ELAPOR1: variants seen among roughly 807,000 people sequenced by gnomAD.
The protein encoded by ELAPOR1 is endosome/lysosome-associated apoptosis and autophagy regulator 1.
A neutral mutation model predicts 119.7 loss-of-function variants in ELAPOR1; 77 were observed. The ratio of observed to expected loss-of-function variants is 0.64; its 90% CI spans 0.54 to 0.78. The LOEUF (loss-of-function observed/expected upper bound fraction) is 0.78, where lower values mean the gene tolerates loss of function less well. Among genes scored for constraint, ELAPOR1 ranks in the 30% least tolerant of loss-of-function variants. ELAPOR1 has a pLI of 0.00. For missense variants in ELAPOR1, 1,115 were observed against 1,270.4 expected, an observed-to-expected ratio of 0.88 and a Z score of 1.86; for synonymous variants, 481 against 487.2, an observed-to-expected ratio of 0.99 and a Z score of 0.17.
intron 2 of ELAPOR1, 114 bp downstream of exon 2, chr1:109,162,128 G>T: frequency 8.2e-7 from 1 of 1,223,970 alleles, no homozygotes. Flanking sequence ...TAAGGAATCA[G>T]ATCTTTTCCC....
chr1:109,201,061 T>C (rs985989326), intron 21 of ELAPOR1, among the ~76,000 whole-genome samples, 161 bp downstream of exon 21: 4 of 152,188 alleles, frequency 2.6e-5, no homozygotes, highest in African/African-American at 9.6e-5. Flanking sequence ...CTTCTCCTTC[T>C]GTGTTTCTAC....
chr1:109,186,031 C>T (rs944088714), intron 8 of ELAPOR1, among the ~76,000 whole-genome samples: 3 of 149,424 alleles, frequency 2.0e-5, no homozygotes, highest in African/African-American at 7.4e-5. Flanking sequence ...TAATAGACAA[C>T]AAATGGGTAT....
intron 8 of ELAPOR1, chr1:109,186,600 T>C: frequency 1.0e-6 from 1 of 985,468 alleles, no homozygotes; most frequent in Non-Finnish European, 1.2e-6. Context: ...CTGTGTCTTG[T>C]CAGTTGCACC....
rs1387288222 is a variant in ELAPOR1, at chr1:109,161,964, C to A, written c.224C>A (p.Thr75Asn). The A allele has an allele frequency of 6.2e-7, 1 of 1,613,982 alleles. No homozygotes were observed. Among genetic ancestry groups the A allele is most frequent in the East Asian group, 2.2e-5 (1 of 44,878 alleles). ...AGGTGGAGGGTCGCCGTGCCGCATA[C>A]CCCGGGCCTGTGCACCAGCCTGCCT... ...GSRWRVAVPH[T>N]PGLCTSLPDP... Residue 75 changes from threonine to asparagine, a missense_variant, in exon 2 of 22, where the codon ACC becomes AAC. Physicochemically the swap from Thr to Asn is moderately conservative, Grantham distance 65. Transcript: ENST00000369939.
At chr1:109,193,615 GAGA>G (rs1653588099) in intron 14 of ELAPOR1, among the ~76,000 whole-genome samples, 2 of 152,226 alleles carry the variant, frequency 1.3e-5, no homozygotes, top group African/African-American at 4.8e-5. Flanking sequence ...TTCTGCATCT[GAGA>G]AGTACTTATG....
intron 8 of ELAPOR1, 115 bp downstream of exon 8, chr1:109,185,248 C>A (rs1217592048): frequency 2.5e-6 from 2 of 815,884 alleles, no homozygotes; most frequent in African/African-American, 1.7e-5. Flanking sequence ...GTTAAAACCC[C>A]ACAGACCTTT....
At chr1:109,154,889 G>T (rs1204460221) in intron 1 of ELAPOR1, among the ~76,000 whole-genome samples, 5 of 152,188 alleles carry the variant, frequency 3.3e-5, no homozygotes, top group Non-Finnish European at 7.3e-5. Context: ...AGTCAGATCG[G>T]AGTTAGAGAT....
At chr1:109,136,407 G>A (rs1319191086) in intron 1 of ELAPOR1, among the ~76,000 whole-genome samples, 1 of 152,208 alleles carries the variant, frequency 6.6e-6, no homozygotes, top group Non-Finnish European at 1.5e-5. Flanking sequence ...AGAAGCAGGG[G>A]CCAGATTCTC....
At chr1:109,198,468 T>C (rs1378133217) in intron 17 of ELAPOR1, 105 bp from the exon 18 acceptor site, 6 of 1,035,144 alleles carry the variant, frequency 5.8e-6, no homozygotes, top group East Asian at 2.6e-5. Flanking sequence ...GCCCAAGTCC[T>C]GACTTCCCCA....
Position 109,144,061 on chromosome 1 carries a change from A to ATATATATTTTTTTTTTTT in ELAPOR1, c.154-17832_154-17831insATATATTTTTTTTTTTTT. Among the ~76,000 whole-genome samples the ATATATATTTTTTTTTTTT allele has an allele frequency of 2.7e-4, 24 of 88,982 alleles. 1 individual carries two copies. Among genetic ancestry groups the ATATATATTTTTTTTTTTT allele is most frequent in the African/African-American group, 2.9e-4 (6 of 20,738 alleles). 58.4% of individuals were successfully genotyped at this position (88,982 alleles called of 152,430 possible). On this transcript the variant is annotated intron_variant, in intron 1 of 21. Transcript: ENST00000369939. ...TATATATATATATATATATTTATAT[A>ATATATATTTTTTTTTTTT]TTTTTTTTTTTTTTTGAGATGGAGT...
chr1:109,198,720 A>G (rs1465317053), intron 18 of ELAPOR1, 46 bp downstream of exon 18: 1 of 1,503,732 alleles, frequency 6.7e-7, no homozygotes. Flanking sequence ...TCTCCCTTGA[A>G]GTCATTCCAT....
intron 1 of ELAPOR1, among the ~76,000 whole-genome samples, chr1:109,132,726 G>A (rs907644853): frequency 4.6e-5 from 7 of 152,142 alleles, no homozygotes; most frequent in Non-Finnish European, 7.4e-5. Context: ...AGGACCCAAG[G>A]AAGGCCAGTG....
At chr1:109,191,670 G>C (rs952584565) in intron 12 of ELAPOR1, 56 bp from the exon 13 acceptor site, 1 of 1,604,466 alleles carries the variant, frequency 6.2e-7, no homozygotes, top group African/African-American at 1.3e-5. Context: ...AGCCACATGG[G>C]CACCCACTTC....
At chr1:109,200,693 C>T in intron 20 of ELAPOR1, 42 bp from the exon 21 acceptor site, 1 of 1,594,018 alleles carries the variant, frequency 6.3e-7, no homozygotes, top group African/African-American at 1.3e-5. Context: ...CCCTTATTCC[C>T]ACATTTTGGG....
intron 1 of ELAPOR1, among the ~76,000 whole-genome samples, chr1:109,138,834 C>CAAAAAAAAAAAAAAA (rs150398954): frequency 8.3e-4 from 89 of 107,270 alleles, no homozygotes; most frequent in African/African-American, 2.1e-3. Flanking sequence ...AACTCCATCT[C>CAAAAAAAAAAAAAAA]AAAAAAAAAA....
At chr1:109,123,324 A>T (rs940771490) in intron 1 of ELAPOR1, among the ~76,000 whole-genome samples, 1 of 152,254 alleles carries the variant, frequency 6.6e-6, no homozygotes, top group Non-Finnish European at 1.5e-5. Context: ...GCTAATTACT[A>T]GGAAAGAAAA....
intron 1 of ELAPOR1, among the ~76,000 whole-genome samples, chr1:109,156,980 G>A (rs1406085261): frequency 1.3e-5 from 2 of 152,158 alleles, no homozygotes; most frequent in African/African-American, 4.8e-5. Context: ...ACACTGGGCA[G>A]GCACAAACAA....
chr1:109,114,276 G>T lies in ELAPOR1; in HGVS notation c.93G>T (p.Trp31Cys). The change falls in exon 1 of 22, where the codon TGG (tryptophan) becomes TGT (cysteine). Residue 31 changes from tryptophan to cysteine, a missense_variant. Transcript: ENST00000369939. ...RIPRLWRLLL[W>C]AGTAFQVTQG... ...CCCGGCTGTGGCGGCTGCTGCTCTG[G>T]GCTGGGACCGCCTTCCAGGTGACCC... The T allele has an allele frequency of 6.2e-7, 1 of 1,600,182 alleles. No homozygotes were observed.
At chr1:109,164,365 C>T (rs1651443411) in intron 2 of ELAPOR1, 134 bp from the exon 3 acceptor site, 3 of 688,746 alleles carry the variant, frequency 4.4e-6, no homozygotes, top group Non-Finnish European at 7.3e-6. Flanking sequence ...CAGTAAATGC[C>T]ATGGCCCTAA....
Sources: gnomAD v4.1 joint callset for allele counts (sites outside exome capture counted in the v4.1 genomes callset) on GRCh38, gnomAD v4.1.1 for gene constraint, MANE v1.5 for transcripts, NCBI Gene and HGNC (gene_info 2026-07-23, HGNC 2026-07-21) for gene names.